ATP13A5: variants seen among roughly 807,000 people sequenced by gnomAD.
ATP13A5 encodes ATPase 13A5.
In ATP13A5, 149 loss-of-function variants were observed where a neutral mutation model predicts 150.2. That is an observed-to-expected ratio of 0.99 (90% confidence interval 0.87 to 1.14). The LOEUF (loss-of-function observed/expected upper bound fraction) is 1.14, where lower values mean the gene tolerates loss of function less well. ATP13A5 is among the 50% of genes most tolerant of loss of function. The pLI is 0.00. For synonymous variants in ATP13A5, 497 were observed against 522.2 expected, an observed-to-expected ratio of 0.95 and a Z score of 0.66; for missense variants, 1,383 against 1,449.3, an observed-to-expected ratio of 0.95 and a Z score of 0.74.
intron 1 of ATP13A5, among the ~76,000 whole-genome samples, chr3:193,366,403 G>A (rs1358206519): frequency 6.6e-6 from 1 of 151,988 alleles, no homozygotes; most frequent in African/African-American, 2.4e-5. Flanking sequence ...AAAAGAAGGG[G>A]AAAGTATACT....
Position 193,287,842 on chromosome 3 carries a change from C to A in ATP13A5, c.3023+2043G>T, listed in dbSNP as rs1010200864. On this transcript the variant is annotated intron_variant, in intron 26 of 29. Transcript: ENST00000342358. ...GGATCTGGGCAAAGAAAATTGAAAACCTTCTGGAAAGAATTCACCATTCTA... is the reference window on the plus strand; with the variant it reads ...GGATCTGGGCAAAGAAAATTGAAAAACTTCTGGAAAGAATTCACCATTCTA... 6.6e-5 allele frequency among the ~76,000 whole-genome samples: 10 copies of A among 152,086 alleles called. No individual in the cohort carries two copies. In the South Asian group the frequency reaches 2.1e-3, roughly 32 times the overall value.
At chr3:193,286,912 TAA>T (rs1451213957) in intron 26 of ATP13A5, among the ~76,000 whole-genome samples, 10 of 152,146 alleles carry the variant, frequency 6.6e-5, no homozygotes, top group African/African-American at 2.4e-4. Context: ...TGAAGAAAAT[TAA>T]AAGTGTTATT....
intron 26 of ATP13A5, among the ~76,000 whole-genome samples, chr3:193,286,624 G>C (rs1403755440): frequency 6.6e-6 from 1 of 152,160 alleles, no homozygotes; most frequent in Non-Finnish European, 1.5e-5. Context: ...TATTGTCTGT[G>C]TCTGACTGCT....
At chr3:193,324,191 G>A (rs1719388538) in intron 14 of ATP13A5, among the ~76,000 whole-genome samples, 1 of 152,132 alleles carries the variant, frequency 6.6e-6, no homozygotes, top group African/African-American at 2.4e-5. Context: ...AGCCTTCAGG[G>A]TGGGTTTATA....
At chr3:193,350,243 G>T (rs1274835764) in intron 7 of ATP13A5, among the ~76,000 whole-genome samples, 1 of 152,008 alleles carries the variant, frequency 6.6e-6, no homozygotes, top group East Asian at 1.9e-4. Flanking sequence ...AGAGTAAAAT[G>T]AATGAAAAAT....
At chr3:193,353,996 G>A (rs1434491294) in intron 6 of ATP13A5, 131 bp downstream of exon 6, 5 of 645,978 alleles carry the variant, frequency 7.7e-6, no homozygotes, top group Non-Finnish European at 1.3e-5. Context: ...TTTAAAATAA[G>A]CAGTAACAAA....
chr3:193,303,986 C>T (rs1219962595), intron 23 of ATP13A5, among the ~76,000 whole-genome samples: 1 of 151,884 alleles, frequency 6.6e-6, no homozygotes, highest in Admixed American at 6.6e-5. Context: ...CATTTCCAAG[C>T]ACACTTGTAA....
At chr3:193,287,166 C>T (rs1225211480) in intron 26 of ATP13A5, among the ~76,000 whole-genome samples, 2 of 152,080 alleles carry the variant, frequency 1.3e-5, no homozygotes, top group African/African-American at 4.8e-5. Flanking sequence ...AAGGTGTCTC[C>T]ATATGTAAAA....
chr3:193,281,250 C>T, intron 27 of ATP13A5: 1 of 980,156 alleles, frequency 1.0e-6, no homozygotes, highest in Non-Finnish European at 1.2e-6. Context: ...AAGGTCTGTT[C>T]TGATGAAGTC....
intron 5 of ATP13A5, among the ~76,000 whole-genome samples, chr3:193,360,227 G>A (rs951732073): frequency 2.0e-5 from 3 of 152,164 alleles, no homozygotes; most frequent in African/African-American, 7.2e-5. Context: ...TCTCTCCGGG[G>A]TAAAGTTATT....
At chr3:193,333,105 T>G (rs938700790) in intron 11 of ATP13A5, among the ~76,000 whole-genome samples, 1 of 151,600 alleles carries the variant, frequency 6.6e-6, no homozygotes, top group Non-Finnish European at 1.5e-5. Context: ...CTATGTCTTT[T>G]CCCACCAATA....
intron 26 of ATP13A5, among the ~76,000 whole-genome samples, chr3:193,286,437 G>T (rs1208856646): frequency 6.6e-6 from 1 of 151,982 alleles, no homozygotes; most frequent in African/African-American, 2.4e-5. Context: ...TTAATAGTAT[G>T]TGCTCACTTT....
At chr3:193,347,636 G>T (rs1443232640) in intron 7 of ATP13A5, among the ~76,000 whole-genome samples, 1 of 151,512 alleles carries the variant, frequency 6.6e-6, no homozygotes, top group African/African-American at 2.4e-5. Flanking sequence ...ATACTTGACT[G>T]TAATTCTCAA....
At chr3:193,350,752 T>C (rs1443414838) in intron 7 of ATP13A5, among the ~76,000 whole-genome samples, 1 of 152,162 alleles carries the variant, frequency 6.6e-6, no homozygotes, top group Admixed American at 6.6e-5. Flanking sequence ...ATGCTACCCC[T>C]TCATTCTCCT....
chr3:193,301,213 A>C lies in ATP13A5; in HGVS notation c.2773T>G (p.Trp925Gly). The C allele has an allele frequency of 6.2e-7, 1 of 1,609,674 alleles. No individual in the cohort carries two copies. The highest frequency in any genetic ancestry group is 8.5e-7 in the Non-Finnish European group (1 of 1,176,798). ...IQFISALLLY[W>G]QLQLFGNYQY... ...GACAAAATGATTTTGTTTCATACCC[A>C]ATAGAGCAGTAATGCACTGATAAAC... The change falls in exon 24 of 30, where the codon TGG becomes GGG. Residue 925 changes from tryptophan (W) to glycine (G), a missense_variant and splice_region_variant. This residue lies in a region of ATP13A5 where 568 missense variants were observed against 621.5 expected (regional missense o/e 0.91). Transcript: ENST00000342358.
intron 13 of ATP13A5, 74 bp from the exon 14 acceptor site, chr3:193,325,088 T>G: frequency 6.8e-7 from 1 of 1,473,402 alleles, no homozygotes; most frequent in Non-Finnish European, 9.2e-7. Context: ...CTTACTAAAG[T>G]GGAGCTCCAA....
chr3:193,372,007 A>T (rs1421579625), intron 1 of ATP13A5, among the ~76,000 whole-genome samples: 1 of 152,044 alleles, frequency 6.6e-6, no homozygotes, highest in Non-Finnish European at 1.5e-5. Context: ...ACCACAGATG[A>T]TTAGGAAGTT....
intron 5 of ATP13A5, among the ~76,000 whole-genome samples, chr3:193,360,068 A>G (rs1712947384): frequency 6.6e-6 from 1 of 152,214 alleles, no homozygotes; most frequent in South Asian, 2.1e-4. Context: ...CACTTTTGTG[A>G]TATAAAAGAA....
At chr3:193,327,972 G>A (rs1324615359) in intron 12 of ATP13A5, among the ~76,000 whole-genome samples, 2 of 152,216 alleles carry the variant, frequency 1.3e-5, no homozygotes, top group African/African-American at 4.8e-5. Context: ...CTCTATAGAA[G>A]TCACTGAATT....
Sources: allele counts gnomAD v4.1 joint callset (sites outside exome capture counted in the v4.1 genomes callset), GRCh38; gene constraint gnomAD v4.1.1; regional missense constraint gnomAD v4.1.1; transcripts MANE v1.5; gene names NCBI Gene and HGNC (gene_info 2026-07-23, HGNC 2026-07-21).